SLC4A5: variants seen among roughly 807,000 people sequenced by gnomAD.
The protein encoded by SLC4A5 is solute carrier family 4 member 5.
Under a neutral mutation model 120.4 loss-of-function variants are expected in SLC4A5, and 96 were observed. That is an observed-to-expected ratio of 0.80 (90% CI 0.68 to 0.94). The LOEUF (loss-of-function observed/expected upper bound fraction) is 0.94. Ranked by LOEUF, SLC4A5 falls within the 40% of genes least tolerant of loss-of-function variation. SLC4A5 has a pLI of 0.00. For synonymous variants in SLC4A5, 550 were observed against 571.1 expected (o/e 0.96, Z 0.53); for missense variants, 1,259 against 1,459.5 (o/e 0.86, Z 2.24).
At chr2:74,335,270 C>T (rs988693465) in intron 3 of SLC4A5, among the ~76,000 whole-genome samples, 3 of 152,206 alleles carry the variant, frequency 2.0e-5, no homozygotes, top group African/African-American at 7.2e-5. Flanking sequence ...CTAGAGCCCA[C>T]GGAGGCATCT....
chr2:74,236,751 T>C (rs528047076), intron 21 of SLC4A5, among the ~76,000 whole-genome samples: 1 of 152,330 alleles, frequency 6.6e-6, no homozygotes, highest in South Asian at 2.1e-4. Flanking sequence ...TTGACTTTTT[T>C]TGTAGGTTGA....
At position 74,316,596 on chromosome 2, in the gene SLC4A5, A is replaced by G. The variant is rs376808531; in HGVS notation, c.-2-1571T>C. ...GGCAATAAGGTACCAAACTGTAAAC[A>G]AGACCTAAAGCCAGGCCAGGCAAGG... On this transcript the variant is annotated intron_variant, in intron 5 of 30. Coordinates refer to ENST00000394019, the Ensembl canonical transcript of SLC4A5. 1.4e-4 allele frequency among the ~76,000 whole-genome samples: 21 copies of G among 152,346 alleles called. No homozygotes were observed. In the East Asian group the frequency reaches 4.0e-3, roughly 29 times the overall value.
intron 11 of SLC4A5, 59 bp from the exon 12 acceptor site, chr2:74,259,702 C>T: frequency 3.3e-6 from 5 of 1,518,112 alleles, no homozygotes; most frequent in East Asian, 2.3e-5. Context: ...AGGTCCCTTT[C>T]CTATGGGCCC....
At chr2:74,309,200 T>A (rs1429027993) in intron 6 of SLC4A5, among the ~76,000 whole-genome samples, 2 of 152,070 alleles carry the variant, frequency 1.3e-5, no homozygotes. Flanking sequence ...ATTACAGGCA[T>A]GAGCCATTAC....
intron 29 of SLC4A5, 119 bp downstream of exon 29, chr2:74,222,749 G>A (rs1335051160): frequency 8.9e-6 from 8 of 901,800 alleles, no homozygotes; most frequent in African/African-American, 8.3e-5. Flanking sequence ...AAAAAGTTGG[G>A]GACTGCTGCT....
chr2:74,318,231 CA>C (rs1304217675), intron 5 of SLC4A5, among the ~76,000 whole-genome samples: 1 of 152,028 alleles, frequency 6.6e-6, no homozygotes, highest in Non-Finnish European at 1.5e-5. Flanking sequence ...CAAATAACCC[CA>C]TTAAAAAGTG....
At chr2:74,233,442 A>G (rs960843367) in exon 23 of SLC4A5, 2 of 1,614,128 alleles carry the variant, frequency 1.2e-6, no homozygotes, top group South Asian at 1.1e-5. Context: ...GACGGCAGTG[A>G]TCTGCTGGTC....
At chr2:74,323,188 TGA>T (rs1673137110) in intron 5 of SLC4A5, among the ~76,000 whole-genome samples, 1 of 152,016 alleles carries the variant, frequency 6.6e-6, no homozygotes, top group South Asian at 2.1e-4. Flanking sequence ...TGCAGTGAGC[TGA>T]GATTGTGCCA....
rs558840199 is a variant in SLC4A5 at position 74,227,688 on chromosome 2, C to G, written c.2916+122G>C. The G allele has an allele frequency of 2.1e-4, 253 of 1,183,352 alleles. No individual in the cohort carries two copies. In the African/African-American group the frequency reaches 3.3e-3, roughly 16 times the overall value. 73.3% of individuals were successfully genotyped at this position (1,183,352 alleles called of 1,614,324 possible). ...TGGTAGTATCATTATTACTATTATT[C>G]TTTCATTGAATTAGGACAATTGGGG... On this transcript the variant is annotated intron_variant, in intron 26 of 30. Transcript: ENST00000394019.
chr2:74,243,288 G>A (rs1201847289), intron 19 of SLC4A5, among the ~76,000 whole-genome samples: 1 of 152,154 alleles, frequency 6.6e-6, no homozygotes, highest in African/African-American at 2.4e-5. Context: ...CTCATTCACA[G>A]GGCCAGGCTC....
chr2:74,237,819 G>T (rs1670315041), intron 21 of SLC4A5, among the ~76,000 whole-genome samples: 1 of 152,122 alleles, frequency 6.6e-6, no homozygotes. Context: ...ACAGCAGTTA[G>T]GGCTGGGTGC....
exon 10 of SLC4A5, chr2:74,264,219 T>G: frequency 6.2e-7 from 1 of 1,614,218 alleles, no homozygotes; most frequent in Non-Finnish European, 8.5e-7. Flanking sequence ...TGGCGGTGCC[T>G]CCTCAGGAGG....
intron 15 of SLC4A5, 144 bp downstream of exon 15, chr2:74,252,830 C>T: frequency 1.0e-6 from 1 of 962,370 alleles, no homozygotes; most frequent in Non-Finnish European, 1.5e-6. Context: ...TCAAGTGATC[C>T]ACCTGCCTCA....
At chr2:74,277,003 C>T (rs888974099) in intron 8 of SLC4A5, among the ~76,000 whole-genome samples, 3 of 152,134 alleles carry the variant, frequency 2.0e-5, no homozygotes, top group Admixed American at 6.5e-5. Flanking sequence ...AGGCCAGCTT[C>T]CCAGACCCAG....
At chr2:74,318,574 T>C (rs1057006982) in intron 5 of SLC4A5, among the ~76,000 whole-genome samples, 6 of 151,728 alleles carry the variant, frequency 4.0e-5, no homozygotes, top group Admixed American at 2.6e-4. Context: ...TAATCCCAGA[T>C]ACTCAGGAGG....
intron 5 of SLC4A5, among the ~76,000 whole-genome samples, chr2:74,317,724 T>C (rs1673001917): frequency 6.6e-6 from 1 of 152,256 alleles, no homozygotes; most frequent in Non-Finnish European, 1.5e-5. Flanking sequence ...CTTTGCCTGC[T>C]GGACTCCTAG....
At chr2:74,340,376 G>C (rs1673596660) in intron 2 of SLC4A5, among the ~76,000 whole-genome samples, 1 of 152,196 alleles carries the variant, frequency 6.6e-6, no homozygotes, top group Non-Finnish European at 1.5e-5. Context: ...TTCTATGCTA[G>C]GCAGGCCTGC....
chr2:74,321,094 C>G (rs1008550284), intron 5 of SLC4A5, among the ~76,000 whole-genome samples: 4 of 152,120 alleles, frequency 2.6e-5, no homozygotes, highest in Non-Finnish European at 4.4e-5. Context: ...TTGGGTTGGT[C>G]AATGTCAGTG....
At chr2:74,227,487 G>GA in intron 26 of SLC4A5, 1 of 1,603,310 alleles carries the variant, frequency 6.2e-7, no homozygotes, top group Non-Finnish European at 8.5e-7. Context: ...CTGCCTTAGG[G>GA]AAGAGAGAGA....
Sources: allele counts gnomAD v4.1 joint callset (sites outside exome capture counted in the v4.1 genomes callset), GRCh38; gene constraint gnomAD v4.1.1; transcripts MANE v1.5; gene names NCBI Gene and HGNC (gene_info 2026-07-23, HGNC 2026-07-21).